Variants in MIPOL1 observed in about 807,000 individuals in gnomAD.
The protein encoded by MIPOL1 is mirror-image polydactyly gene 1 protein.
Under a neutral mutation model 60.9 loss-of-function variants are expected in MIPOL1, and 57 were observed. The observed-to-expected ratio is 0.94, with a 90% CI of 0.76 to 1.17. The LOEUF (loss-of-function observed/expected upper bound fraction) is 1.17. Among genes scored for constraint, MIPOL1 ranks in the 50% most tolerant of loss-of-function variants. The pLI, the probability that MIPOL1 is intolerant of heterozygous loss-of-function variation, is 0.00. For synonymous variants in MIPOL1, 179 were observed against 168.8 expected (o/e 1.06, Z -0.47); for missense variants, 551 against 511.6 (o/e 1.08, Z -0.74).
At chr14:37,399,121 T>A (rs2093433417) in intron 10 of MIPOL1, among the ~76,000 whole-genome samples, 1 of 152,220 alleles carries the variant, frequency 6.6e-6, no homozygotes, top group Admixed American at 6.5e-5. Context: ...CATTTTTGTT[T>A]GTCCATAAGA....
chr14:37,340,570 T>C (rs1377818604), intron 9 of MIPOL1, among the ~76,000 whole-genome samples: 3 of 151,600 alleles, frequency 2.0e-5, no homozygotes, highest in Non-Finnish European at 4.4e-5. Flanking sequence ...ATTAGTTGGA[T>C]GTGGTGGTGC....
chr14:37,485,617 C>A (rs1271544540), intron 11 of MIPOL1, among the ~76,000 whole-genome samples: 1 of 152,108 alleles, frequency 6.6e-6, no homozygotes, highest in Non-Finnish European at 1.5e-5. Flanking sequence ...TTGTTGGCTG[C>A]ATTAATGTCT....
At chr14:37,327,851 G>C (rs1462356689) in intron 9 of MIPOL1, among the ~76,000 whole-genome samples, 1 of 152,126 alleles carries the variant, frequency 6.6e-6, no homozygotes, top group Non-Finnish European at 1.5e-5. Context: ...TTAAGAGCAA[G>C]AATTTTGAAT....
At chr14:37,485,605 G>T (rs1455970902) in intron 11 of MIPOL1, among the ~76,000 whole-genome samples, 1 of 152,026 alleles carries the variant, frequency 6.6e-6, no homozygotes, top group Non-Finnish European at 1.5e-5. Flanking sequence ...TTTTTTTCAT[G>T]TTTGTTGGCT....
intron 12 of MIPOL1, among the ~76,000 whole-genome samples, chr14:37,536,708 G>T (rs999915645): frequency 1.3e-5 from 2 of 152,056 alleles, no homozygotes; most frequent in African/African-American, 4.8e-5. Context: ...TTTAGACTTT[G>T]CTCTTTGAGA....
chr14:37,540,790 G>A (rs1419793223), intron 12 of MIPOL1, among the ~76,000 whole-genome samples: 1 of 152,184 alleles, frequency 6.6e-6, no homozygotes, highest in Non-Finnish European at 1.5e-5. Context: ...TAGCCCACTA[G>A]ACACCAGCCT....
chr14:37,251,809 A>G (rs2153364600), intron 3 of MIPOL1, among the ~76,000 whole-genome samples: 1 of 152,144 alleles, frequency 6.6e-6, no homozygotes, highest in South Asian at 2.1e-4. Context: ...ATAGCATACA[A>G]CAATTCTTTG....
intron 7 of MIPOL1, among the ~76,000 whole-genome samples, chr14:37,297,762 T>C (rs1219134578): frequency 1.8e-4 from 28 of 151,770 alleles, no homozygotes; most frequent in Admixed American, 3.3e-4. Flanking sequence ...TGTGAAGGAC[T>C]TCTTCAAGGA....
chr14:37,335,410 A>G (rs1160423083), intron 9 of MIPOL1, among the ~76,000 whole-genome samples: 1 of 151,112 alleles, frequency 6.6e-6, no homozygotes, highest in East Asian at 1.9e-4. Flanking sequence ...TCCTCATTCT[A>G]CTCTCCCCTG....
In MIPOL1 at chr14:37,233,274, G is replaced by A. The variant is rs148424925; in HGVS notation, c.-198-13829G>A. Among the ~76,000 whole-genome samples, 59 of 152,240 alleles carry A rather than the reference G, an allele frequency of 3.9e-4. No individual in the cohort carries two copies. In the East Asian group the frequency reaches 7.4e-3, roughly 19 times the overall value. On this transcript the variant is annotated intron_variant, in intron 1 of 12. Coordinates refer to ENST00000684589, the MANE Select transcript of MIPOL1 (RefSeq NM_001388067.1). ...AACATCAGGTACTTGTGGCCTGAGT[G>A]CAATTTAAATATAAATTGGCCCCAA...
At chr14:37,354,822 C>G (rs1253959036) in intron 9 of MIPOL1, among the ~76,000 whole-genome samples, 4 of 100,582 alleles carry the variant, frequency 4.0e-5, no homozygotes, top group Non-Finnish European at 6.0e-5. Flanking sequence ...AGATGGGTTT[C>G]CTGAATACAG....
At chr14:37,285,594 TTC>T in intron 7 of MIPOL1, 147 bp downstream of exon 7, 1 of 842,750 alleles carries the variant, frequency 1.2e-6, no homozygotes, top group Non-Finnish European at 1.7e-6. Context: ...TTTTTTTCTT[TTC>T]TTTTTTTTTT....
intron 7 of MIPOL1, among the ~76,000 whole-genome samples, chr14:37,290,458 T>G (rs1325895507): frequency 6.6e-6 from 1 of 152,086 alleles, no homozygotes; most frequent in African/African-American, 2.4e-5. Context: ...ACTCCTGACT[T>G]CAAGTGATCC....
rs960665160 is a variant in MIPOL1 at position 37,551,198 on chromosome 14, C to T, written c.*4227C>T. The T allele has an allele frequency of 4.6e-5, 7 of 152,136 alleles. No homozygotes were observed. Among genetic ancestry groups the T allele is most frequent in the Middle Eastern group, 6.8e-3 (2 of 292 alleles). 9.4% of individuals were successfully genotyped at this position (152,136 alleles called of 1,614,324 possible). On this transcript the variant is annotated 3_prime_UTR_variant, in exon 13 of 13. Coordinates refer to ENST00000684589, the MANE Select transcript of MIPOL1 (RefSeq NM_001388067.1). ...ACAAAGATGTATTTTAATGCACAAA[C>T]TCAAATGTTTAAAATATATATTTAC...
At chr14:37,465,602 T>C (rs2094588574) in intron 11 of MIPOL1, among the ~76,000 whole-genome samples, 1 of 152,162 alleles carries the variant, frequency 6.6e-6, no homozygotes, top group Admixed American at 6.5e-5. Context: ...CCTTTTGATA[T>C]TGGATGCATC....
intron 11 of MIPOL1, among the ~76,000 whole-genome samples, chr14:37,464,072 C>T (rs946278692): frequency 2.6e-5 from 4 of 152,178 alleles, no homozygotes; most frequent in African/African-American, 9.7e-5. Flanking sequence ...CATCTCACAC[C>T]AGTCAGAATT....
chr14:37,406,181 T>C (rs572768777), intron 10 of MIPOL1, among the ~76,000 whole-genome samples: 8 of 152,262 alleles, frequency 5.3e-5, no homozygotes, highest in African/African-American at 1.7e-4. Context: ...TAAACCTGCT[T>C]CACTAACTTT....
At chr14:37,383,716 A>G (rs914073302) in intron 10 of MIPOL1, among the ~76,000 whole-genome samples, 1 of 152,006 alleles carries the variant, frequency 6.6e-6, no homozygotes, top group African/African-American at 2.4e-5. Context: ...ATATATTAAT[A>G]TCATTTGTTT....
intron 10 of MIPOL1, among the ~76,000 whole-genome samples, chr14:37,410,665 A>C (rs921867871): frequency 6.6e-6 from 1 of 152,198 alleles, no homozygotes; most frequent in Non-Finnish European, 1.5e-5. Flanking sequence ...AAAGAATTAA[A>C]ATACATTTTA....
Sources: allele counts gnomAD v4.1 joint callset (sites outside exome capture counted in the v4.1 genomes callset), GRCh38; gene constraint gnomAD v4.1.1; transcripts MANE v1.5; gene names NCBI Gene and HGNC (gene_info 2026-07-23, HGNC 2026-07-21).